The following SPAG16 variants were observed in gnomAD, a reference collection of about 807,000 sequenced individuals.
SPAG16 encodes sperm-associated antigen 16 protein.
Under a neutral mutation model 80.4 loss-of-function variants are expected in SPAG16, and 86 were observed. That is an observed-to-expected ratio of 1.07 (90% CI 0.90 to 1.28). The LOEUF (loss-of-function observed/expected upper bound fraction) is 1.28. SPAG16 is among the 50% of genes most tolerant of loss of function. SPAG16 has a pLI of 0.00. For synonymous variants in SPAG16, 294 were observed against 265.9 expected (o/e 1.11, Z -1.03); for missense variants, 870 against 765.3 (o/e 1.14, Z -1.61).
chr2:214,036,706 T>A (rs867568310), intron 13 of SPAG16, among the ~76,000 whole-genome samples: 16 of 152,326 alleles, frequency 1.1e-4, no homozygotes, highest in Middle Eastern at 6.8e-3. Flanking sequence ...TCTTACAATG[T>A]ACAGAAAGTA....
intron 15 of SPAG16, among the ~76,000 whole-genome samples, chr2:214,199,015 T>C (rs2057932712): frequency 6.6e-6 from 1 of 152,172 alleles, no homozygotes; most frequent in South Asian, 2.1e-4. Context: ...CTTTGTCAGA[T>C]GTGTAGTTTG....
At chr2:213,361,043 A>T (rs2065950697) in intron 7 of SPAG16, among the ~76,000 whole-genome samples, 1 of 152,122 alleles carries the variant, frequency 6.6e-6, no homozygotes, top group South Asian at 2.1e-4. Flanking sequence ...ATAATAATTT[A>T]AAATTTTTGA....
At chr2:214,177,153 C>A (rs1279989869) in intron 15 of SPAG16, among the ~76,000 whole-genome samples, 1 of 151,052 alleles carries the variant, frequency 6.6e-6, no homozygotes, top group Admixed American at 6.6e-5. Flanking sequence ...TTTTTCTTGC[C>A]AATGGATATG....
chr2:213,819,005 CTAAG>C (rs2072758124), intron 10 of SPAG16, among the ~76,000 whole-genome samples: 1 of 148,684 alleles, frequency 6.7e-6, no homozygotes, highest in Admixed American at 6.7e-5. Context: ...TGAAACCTGA[CTAAG>C]TATTAAAAGT....
intron 11 of SPAG16, among the ~76,000 whole-genome samples, chr2:213,917,602 A>G (rs551533140): frequency 1.3e-5 from 2 of 152,260 alleles, no homozygotes; most frequent in South Asian, 2.1e-4. Context: ...TAGAAATGCT[A>G]GTGATTTTTG....
chr2:214,237,056 A>C (rs1363778353), intron 15 of SPAG16, among the ~76,000 whole-genome samples: 1 of 152,212 alleles, frequency 6.6e-6, no homozygotes, highest in East Asian at 1.9e-4. Context: ...TATTATTTTA[A>C]GCACCAGGAT....
chr2:213,788,360 T>G lies in SPAG16; in HGVS notation c.1071-74125T>G, dbSNP rs189523408. Reference sequence around the variant, plus strand: ...ACAAATCTCATATGAGTAAGTCATATATACATATGTATATAAATATAAACA... The same window carrying G: ...ACAAATCTCATATGAGTAAGTCATAGATACATATGTATATAAATATAAACA... On this transcript the variant is annotated intron_variant, in intron 10 of 15. Transcript: ENST00000331683. Among the ~76,000 whole-genome samples the G allele has an allele frequency of 2.0e-5, 3 of 152,072 alleles. No individual in the cohort carries two copies. The East Asian group carries it at 5.8e-4, about 29-fold the overall frequency.
intron 15 of SPAG16, among the ~76,000 whole-genome samples, chr2:214,254,636 T>A (rs1576606507): frequency 6.6e-6 from 1 of 152,030 alleles, no homozygotes; most frequent in African/African-American, 2.4e-5. Flanking sequence ...GAAGACAGTT[T>A]CCCACTGAGT....
At chr2:214,030,370 T>C (rs1482120495) in intron 13 of SPAG16, among the ~76,000 whole-genome samples, 1 of 152,156 alleles carries the variant, frequency 6.6e-6, no homozygotes, top group African/African-American at 2.4e-5. Context: ...CACTCCCATG[T>C]TCATTACAGC....
At chr2:214,254,844 G>T (rs905717772) in intron 15 of SPAG16, among the ~76,000 whole-genome samples, 26 of 151,404 alleles carry the variant, frequency 1.7e-4, no homozygotes, top group Admixed American at 5.3e-4. Context: ...ACTAAGATTG[G>T]TTTTTTTTAT....
chr2:213,401,129 G>C (rs1261535064), intron 9 of SPAG16, among the ~76,000 whole-genome samples: 4 of 152,188 alleles, frequency 2.6e-5, no homozygotes, highest in African/African-American at 4.8e-5. Context: ...TATTGATGTA[G>C]AGCTTGGCCT....
intron 12 of SPAG16, among the ~76,000 whole-genome samples, chr2:213,957,702 G>T (rs1234447906): frequency 6.6e-6 from 1 of 151,668 alleles, no homozygotes; most frequent in Non-Finnish European, 1.5e-5. Context: ...TTTGTGTTTA[G>T]TTGACTTTTT....
At chr2:213,823,170 A>G (rs541741597) in intron 10 of SPAG16, among the ~76,000 whole-genome samples, 1 of 152,282 alleles carries the variant, frequency 6.6e-6, no homozygotes, top group Non-Finnish European at 1.5e-5. Flanking sequence ...CAATGGTTGA[A>G]CTAATTTACA....
At chr2:213,554,015 C>T (rs1466676642) in intron 10 of SPAG16, among the ~76,000 whole-genome samples, 2 of 152,152 alleles carry the variant, frequency 1.3e-5, no homozygotes, top group East Asian at 3.9e-4. Flanking sequence ...CATGTTTGCC[C>T]ATGCTTCAGG....
intron 10 of SPAG16, among the ~76,000 whole-genome samples, chr2:213,795,354 C>CA (rs1222101398): frequency 6.6e-6 from 1 of 152,134 alleles, no homozygotes; most frequent in African/African-American, 2.4e-5. Context: ...GACAAATACA[C>CA]AAAAAGGTTA....
chr2:214,015,659 A>T (rs2047557490), intron 13 of SPAG16, among the ~76,000 whole-genome samples: 1 of 151,764 alleles, frequency 6.6e-6, no homozygotes, highest in Non-Finnish European at 1.5e-5. Context: ...TAGGGAAGCA[A>T]GGCTAATGGT....
At chr2:214,111,987 T>G (rs2125417868) in intron 14 of SPAG16, among the ~76,000 whole-genome samples, 1 of 152,298 alleles carries the variant, frequency 6.6e-6, no homozygotes. Context: ...ATCCTGAGAC[T>G]TTGCTGAAGT....
intron 14 of SPAG16, among the ~76,000 whole-genome samples, chr2:214,144,320 C>CT (rs11411451): frequency 0.32 from 48,811 of 151,922 alleles, 9,762 homozygotes; most frequent in Non-Finnish European, 0.44. Flanking sequence ...TACACAAAAG[C>CT]TTTAATAAAT....
At chr2:213,460,510 C>T (rs74387935) in intron 9 of SPAG16, among the ~76,000 whole-genome samples, 3,532 of 152,202 alleles carry the variant, frequency 0.023, 58 homozygotes, top group South Asian at 0.038. Context: ...GAACCTCAAT[C>T]AGGAATAAAA....
Sources: gnomAD v4.1 joint callset for allele counts (sites outside exome capture counted in the v4.1 genomes callset) on GRCh38, gnomAD v4.1.1 for gene constraint, MANE v1.5 for transcripts, NCBI Gene and HGNC (gene_info 2026-07-23, HGNC 2026-07-21) for gene names.